The following ZSWIM6 variants were observed in gnomAD, a reference collection of about 807,000 sequenced individuals.
The protein encoded by ZSWIM6 is zinc finger SWIM-type containing 6, also known as zinc finger SWIM domain-containing protein 6.
ZSWIM6 carries 9 observed loss-of-function variants against 113.2 expected under a neutral mutation model. That is an observed-to-expected ratio of 0.08 (90% CI 0.05 to 0.14). The LOEUF is 0.14. Among genes scored for constraint, ZSWIM6 ranks in the 10% least tolerant of loss-of-function variants. The probability of loss-of-function intolerance (pLI) is 1.00; values close to 1 mark genes in which losing one functional copy is unlikely to be tolerated. For synonymous variants in ZSWIM6, 611 were observed against 606.5 expected, an observed-to-expected ratio of 1.01 and a Z score of -0.11; for missense variants, 1,162 against 1,552.2, an observed-to-expected ratio of 0.75 and a Z score of 4.22.
At chr5:61,406,736 A>C (rs1746050724) in intron 1 of ZSWIM6, among the ~76,000 whole-genome samples, 1 of 125,926 alleles carries the variant, frequency 7.9e-6, no homozygotes, top group Non-Finnish European at 1.7e-5. Context: ...ATTTTGAGAC[A>C]GAGTCTTGCT....
intron 1 of ZSWIM6, among the ~76,000 whole-genome samples, chr5:61,413,277 G>T (rs1328046042): frequency 2.0e-5 from 3 of 149,064 alleles, no homozygotes; most frequent in Non-Finnish European, 4.4e-5. Flanking sequence ...GCGGTGTTTG[G>T]TTTTTTGCAC....
rs982796586 is a variant in ZSWIM6 at position 61,421,632 on chromosome 5, C to A, written c.677-51049C>A. ...AGTTATCTTTTCTGCTCCTCTTTCT[C>A]CTCCTACACTCAAGTAGGCCCCATT... On this transcript the variant is annotated intron_variant, in intron 1 of 13. Transcript: ENST00000252744. 2.6e-5 allele frequency among the ~76,000 whole-genome samples: 4 copies of A among 152,320 alleles called. No individual in the cohort carries two copies. In the South Asian group the frequency reaches 8.3e-4, roughly 32 times the overall value.
Position 61,539,651 on chromosome 5 carries a change from C to T in ZSWIM6, c.2595C>T (p.Ser865=). The T allele has an allele frequency of 1.9e-6, 3 of 1,552,014 alleles. No individual in the cohort carries two copies. Among genetic ancestry groups the T allele is most frequent in the Non-Finnish European group, 2.6e-6 (3 of 1,147,058 alleles). ...VLESIQKNIH[S]SSHIFKLAQD... ...AATCCATCCAGAAAAACATTCACTC[C>T]TCATCACACATCTTCAAGCTTGCCC... The change falls in exon 12 of 14, where the codon TCC becomes TCT. Residue 865 remains serine, a synonymous_variant. Transcript: ENST00000252744.
intron 1 of ZSWIM6, among the ~76,000 whole-genome samples, chr5:61,348,051 C>G (rs1259991539): frequency 6.6e-6 from 1 of 152,080 alleles, no homozygotes; most frequent in Non-Finnish European, 1.5e-5. Context: ...GAAACCCTGT[C>G]TCTACTAAAA....
intron 1 of ZSWIM6, among the ~76,000 whole-genome samples, chr5:61,393,689 G>T: frequency 6.7e-6 from 1 of 150,032 alleles, no homozygotes. Context: ...AGTGAGCTGA[G>T]ATGGCGCCAT....
chr5:61,518,009 A>G (rs528931458), intron 4 of ZSWIM6, among the ~76,000 whole-genome samples: 8 of 136,112 alleles, frequency 5.9e-5, no homozygotes, highest in South Asian at 2.3e-4. Flanking sequence ...TCATTGTTCA[A>G]TTGCCATCTA....
intron 1 of ZSWIM6, among the ~76,000 whole-genome samples, chr5:61,336,680 G>A (rs1249938860): frequency 2.0e-5 from 3 of 152,018 alleles, no homozygotes; most frequent in Non-Finnish European, 2.9e-5. Context: ...GCTTGAACCC[G>A]GGAAGCGGAG....
chr5:61,369,257 A>G (rs990017635), intron 1 of ZSWIM6, among the ~76,000 whole-genome samples: 2 of 152,216 alleles, frequency 1.3e-5, no homozygotes, highest in Non-Finnish European at 2.9e-5. Flanking sequence ...CTATTAGAGA[A>G]TTTATCTTAT....
chr5:61,464,960 G>T (rs1490537138), intron 1 of ZSWIM6, among the ~76,000 whole-genome samples: 2 of 152,194 alleles, frequency 1.3e-5, no homozygotes, highest in Non-Finnish European at 2.9e-5. Context: ...TTGGGACCCA[G>T]GTGAGAGGCC....
intron 1 of ZSWIM6, among the ~76,000 whole-genome samples, chr5:61,429,660 T>C (rs1364150872): frequency 2.6e-5 from 4 of 152,132 alleles, no homozygotes. Context: ...AAAATAGGGA[T>C]GAAGATGTAG....
chr5:61,491,304 G>A (rs1748169657), intron 3 of ZSWIM6, among the ~76,000 whole-genome samples: 2 of 151,708 alleles, frequency 1.3e-5, no homozygotes, highest in African/African-American at 2.4e-5. Flanking sequence ...TCCCTAAAAT[G>A]TGCTTTAATT....
intron 9 of ZSWIM6, among the ~76,000 whole-genome samples, chr5:61,533,260 C>T (rs1003014955): frequency 6.6e-6 from 1 of 152,226 alleles, no homozygotes; most frequent in Non-Finnish European, 1.5e-5. Flanking sequence ...AGGGCCATTA[C>T]TGTAAATGCT....
intron 1 of ZSWIM6, among the ~76,000 whole-genome samples, chr5:61,394,337 G>T (rs1408042404): frequency 6.6e-6 from 1 of 152,172 alleles, no homozygotes; most frequent in East Asian, 1.9e-4. Context: ...GGGCTGTCAG[G>T]CAGTGTCTTC....
At chr5:61,376,725 G>T (rs1487090722) in intron 1 of ZSWIM6, among the ~76,000 whole-genome samples, 1 of 141,882 alleles carries the variant, frequency 7.0e-6, no homozygotes, top group African/African-American at 2.7e-5. Flanking sequence ...ATTCTAAAAT[G>T]CATGTTTTAT....
chr5:61,492,318 C>T (rs1748203627), intron 3 of ZSWIM6, among the ~76,000 whole-genome samples: 1 of 152,014 alleles, frequency 6.6e-6, no homozygotes, highest in Admixed American at 6.6e-5. Context: ...TATTATTAGC[C>T]TGGTGTGCAG....
chr5:61,504,631 G>T (rs1748552600), intron 4 of ZSWIM6, among the ~76,000 whole-genome samples: 2 of 152,150 alleles, frequency 1.3e-5, no homozygotes, highest in Non-Finnish European at 2.9e-5. Flanking sequence ...CACAAGTATA[G>T]TGCTTAAGTG....
chr5:61,545,627 G>A lies in ZSWIM6; in HGVS notation c.*1310G>A, dbSNP rs1018719551. On this transcript the variant is annotated 3_prime_UTR_variant, in exon 14 of 14. Coordinates refer to ENST00000252744, the MANE Select transcript of ZSWIM6 (RefSeq NM_020928.2). ...GACTTTGTGCAGGACAGAAAGTTGT[G>A]TAGGTATGACTGTTCTACTTTTCAG... The A allele has an allele frequency of 3.3e-5, 5 of 151,880 alleles. No individual in the cohort carries two copies. Among genetic ancestry groups the A allele is most frequent in the Admixed American group, 1.3e-4 (2 of 15,270 alleles). 9.4% of individuals were successfully genotyped at this position (151,880 alleles called of 1,614,324 possible). A position where few individuals can be genotyped will look rare whatever the true frequency, so the allele number is the denominator to read the frequency against.
At chr5:61,510,554 C>T (rs1280685464) in intron 4 of ZSWIM6, among the ~76,000 whole-genome samples, 1 of 150,590 alleles carries the variant, frequency 6.6e-6, no homozygotes, top group Admixed American at 6.6e-5. Context: ...GTTTACTTTG[C>T]CTTATATGTT....
intron 7 of ZSWIM6, among the ~76,000 whole-genome samples, chr5:61,529,069 G>A (rs557633746): frequency 4.6e-5 from 7 of 152,082 alleles, no homozygotes; most frequent in Admixed American, 6.5e-5. Context: ...TTGGCCGGGC[G>A]TGATGGCACT....
Sources: allele counts gnomAD v4.1 joint callset (sites outside exome capture counted in the v4.1 genomes callset), GRCh38; gene constraint gnomAD v4.1.1; transcripts MANE v1.5; gene names NCBI Gene and HGNC (gene_info 2026-07-23, HGNC 2026-07-21).